RAB44: variants seen among roughly 807,000 people sequenced by gnomAD.
The protein encoded by RAB44 is ras-related protein Rab-44.
In RAB44, 67 loss-of-function variants were observed where a neutral mutation model predicts 93.3. The observed-to-expected ratio is 0.72, with a 90% CI of 0.59 to 0.88. RAB44 has a LOEUF of 0.88. Among genes scored for constraint, RAB44 ranks in the 40% least tolerant of loss-of-function variants. The pLI is 0.00. For synonymous variants in RAB44, 427 were observed against 520.3 expected (o/e 0.82, Z 2.44); for missense variants, 1,064 against 1,261.7 (o/e 0.84, Z 2.37).
intron 2 of RAB44, among the ~76,000 whole-genome samples, chr6:36,712,213 G>T (rs552428118): frequency 7.3e-4 from 111 of 152,036 alleles, no homozygotes; most frequent in Non-Finnish European, 1.1e-3. Context: ...TGAGGCAGGA[G>T]AATTAGTTGA....
chr6:36,722,241 C>T lies in RAB44; in HGVS notation c.2107C>T (p.Leu703=). 6.3e-6 allele frequency: 8 copies of T among 1,273,398 alleles called. No individual in the cohort carries two copies. The highest frequency in any genetic ancestry group is 7.9e-6 in the Non-Finnish European group (8 of 1,011,402). 78.9% of individuals were successfully genotyped at this position (1,273,398 alleles called of 1,614,324 possible). ...QSEQSVEAHG[L]ETAHSELPQQ... is the part of the protein sequence containing the mutation. ...AGAGCAGTCGGTTGAGGCTCACGGC[C>T]TAGAAACTGCGCATTCGGAACTCCC... Residue 703 remains leucine, a synonymous_variant, in exon 9 of 14, where the codon CTA becomes TTA. Transcript: ENST00000612677.
chr6:36,720,169 T>G (rs1187491926), intron 7 of RAB44, among the ~76,000 whole-genome samples, 194 bp from the exon 8 acceptor site: 1 of 152,016 alleles, frequency 6.6e-6, no homozygotes. Flanking sequence ...GGATTTCCAG[T>G]GCCCCTCCTA....
chr6:36,717,200 G>C lies in RAB44; in HGVS notation c.495-73G>C. ...GGAGCGCTGCAGTGAAAACTGAGGA[G>C]TGGGGCTCCCCTTGCTTCTCCATCC... On this transcript the variant is annotated intron_variant, in intron 4 of 13. Coordinates refer to ENST00000612677, the MANE Select transcript of RAB44 (RefSeq NM_001257357.2). The surrounding 1 kb of genome is among the most constrained non-coding windows in gnomAD (Gnocchi z 4.1). The C allele has an allele frequency of 8.2e-7, 1 of 1,220,442 alleles. No individual in the cohort carries two copies. Among genetic ancestry groups the C allele is most frequent in the Non-Finnish European group, 1.0e-6 (1 of 977,878 alleles). 75.6% of individuals were successfully genotyped at this position (1,220,442 alleles called of 1,614,324 possible). A position where few individuals can be genotyped will look rare whatever the true frequency, so the allele number is the denominator to read the frequency against.
At chr6:36,701,479 G>A (rs1271435776) in intron 1 of RAB44, among the ~76,000 whole-genome samples, 2 of 152,174 alleles carry the variant, frequency 1.3e-5, no homozygotes, top group African/African-American at 2.4e-5. Flanking sequence ...AATCAGCAGA[G>A]GAAGTGGGTT....
At chr6:36,718,824 C>T (rs1422927445) in intron 7 of RAB44, among the ~76,000 whole-genome samples, 1 of 152,138 alleles carries the variant, frequency 6.6e-6, no homozygotes, top group Non-Finnish European at 1.5e-5. Flanking sequence ...AGGTTACTTG[C>T]TGCTGCCCGG....
intron 1 of RAB44, among the ~76,000 whole-genome samples, chr6:36,699,588 T>C (rs6928344): frequency 0.39 from 59,943 of 152,098 alleles, 11,814 homozygotes; most frequent in South Asian, 0.43. Flanking sequence ...CTCCACTGGG[T>C]GTTTGTCATC....
chr6:36,703,719 G>A (rs1044332252), intron 1 of RAB44, among the ~76,000 whole-genome samples: 8 of 152,020 alleles, frequency 5.3e-5, no homozygotes, highest in Admixed American at 2.0e-4. Context: ...GAGAGGTGAG[G>A]CTGACAGGGG....
intron 9 of RAB44, among the ~76,000 whole-genome samples, chr6:36,723,803 C>T (rs1287307445): frequency 7.3e-6 from 1 of 136,448 alleles, no homozygotes; most frequent in Admixed American, 8.1e-5. Context: ...CCACTGCACT[C>T]CAGCCTGGGC....
rs746261119 is a variant in RAB44, at chr6:36,732,126, C to T, written c.*33C>T. On this transcript the variant is annotated 3_prime_UTR_variant, in exon 14 of 14. Coordinates refer to ENST00000612677, the MANE Select transcript of RAB44 (RefSeq NM_001257357.2). ...TCCTGTCCTGGGTAGGATGGACACC[C>T]ATGGGGTTTCCTGTCCCTCAGCTCC... The T allele has an allele frequency of 3.3e-6, 4 of 1,210,584 alleles. No homozygotes were observed. Among genetic ancestry groups the T allele is most frequent in the East Asian group, 6.3e-5 (2 of 31,562 alleles). The allele number at this position is 1,210,584 out of a possible 1,614,324, so 75.0% of individuals were successfully genotyped here.
intron 7 of RAB44, 99 bp from the exon 8 acceptor site, chr6:36,720,264 G>A: frequency 9.5e-7 from 1 of 1,052,220 alleles, no homozygotes; most frequent in South Asian, 5.0e-5. Context: ...CAGGAGCCTG[G>A]ACAGGGGGTG....
chr6:36,701,021 G>A (rs1005424245), intron 1 of RAB44, among the ~76,000 whole-genome samples: 1 of 152,240 alleles, frequency 6.6e-6, no homozygotes, highest in Non-Finnish European at 1.5e-5. Context: ...ACCGCGTGAA[G>A]GCCAGTTAGA....
At chr6:36,719,995 A>T (rs1025594065) in intron 7 of RAB44, among the ~76,000 whole-genome samples, 2 of 152,062 alleles carry the variant, frequency 1.3e-5, no homozygotes, top group African/African-American at 2.4e-5. Context: ...GGGTCATGAG[A>T]TTTGCTGTTG....
Position 36,732,124 on chromosome 6 carries a change from C to T in RAB44, c.*31C>T, listed in dbSNP as rs1763376957. 1.7e-5 allele frequency: 20 copies of T among 1,211,298 alleles called. No individual in the cohort carries two copies. Among genetic ancestry groups the T allele is most frequent in the Non-Finnish European group, 2.0e-5 (19 of 967,186 alleles). The allele number at this position is 1,211,298 out of a possible 1,614,324, so 75.0% of individuals were successfully genotyped here. A position where few individuals can be genotyped will look rare whatever the true frequency, so the allele number is the denominator to read the frequency against. Reference sequence around the variant, plus strand: ...TGTCCTGTCCTGGGTAGGATGGACACCCATGGGGTTTCCTGTCCCTCAGCT... The same window carrying T: ...TGTCCTGTCCTGGGTAGGATGGACATCCATGGGGTTTCCTGTCCCTCAGCT... On this transcript the variant is annotated 3_prime_UTR_variant, in exon 14 of 14. Coordinates refer to ENST00000612677, the MANE Select transcript of RAB44 (RefSeq NM_001257357.2).
intron 10 of RAB44, among the ~76,000 whole-genome samples, 190 bp downstream of exon 10, chr6:36,726,133 T>C (rs373780932): frequency 1.2e-4 from 18 of 152,164 alleles, no homozygotes; most frequent in African/African-American, 4.1e-4. Flanking sequence ...TCCCTCAGCC[T>C]GGCAGGGCAT....
intron 7 of RAB44, 75 bp from the exon 8 acceptor site, chr6:36,720,288 C>T: frequency 8.4e-7 from 1 of 1,184,820 alleles, no homozygotes; most frequent in South Asian, 4.4e-5. Context: ...GTCTGTGTCC[C>T]ACAATGGCCT....
intron 10 of RAB44, 56 bp from the exon 11 acceptor site, chr6:36,727,521 G>A (rs922118336): frequency 2.3e-5 from 29 of 1,251,796 alleles, no homozygotes; most frequent in East Asian, 2.0e-4. Context: ...ACTTTGCAGA[G>A]GCCAGGGCCT....
intron 11 of RAB44, among the ~76,000 whole-genome samples, chr6:36,728,376 A>G (rs995351090): frequency 4.6e-5 from 7 of 152,202 alleles, no homozygotes; most frequent in African/African-American, 1.7e-4. Flanking sequence ...ATCAGAAACT[A>G]TTATTATTAT....
rs1387658633 is a variant in RAB44, at chr6:36,727,665, G to A, written c.2770G>A (p.Val924Met). 3.9e-6 allele frequency: 6 copies of A among 1,550,392 alleles called. No homozygotes were observed. Among genetic ancestry groups the A allele is most frequent in the South Asian group, 3.6e-5 (3 of 84,064 alleles). Reference protein sequence around the residue: ...DITSQESFAHVRYWLDCLQDA... With the variant: ...DITSQESFAHMRYWLDCLQDA... Reference sequence around the variant, plus strand: ...CACCTCCCAGGAGAGCTTTGCCCACGTGCGCTACTGGCTAGACTGTCTCCA... The same window carrying A: ...CACCTCCCAGGAGAGCTTTGCCCACATGCGCTACTGGCTAGACTGTCTCCA... Residue 924 changes from valine to methionine, a missense_variant, in exon 11 of 14, where the codon GTG (valine) becomes ATG (methionine). Coordinates refer to ENST00000612677, the MANE Select transcript of RAB44 (RefSeq NM_001257357.2).
intron 8 of RAB44, 86 bp from the exon 9 acceptor site, chr6:36,721,065 A>C (rs964824645): frequency 4.2e-6 from 5 of 1,190,704 alleles, no homozygotes; most frequent in Non-Finnish European, 5.3e-6. Flanking sequence ...TGGGGAGAGC[A>C]AGGGATGGTG....
Sources: gnomAD v4.1 joint callset for allele counts (sites outside exome capture counted in the v4.1 genomes callset) on GRCh38, gnomAD v4.1.1 for gene constraint, Gnocchi (gnomAD v3.1) non-coding constraint, MANE v1.5 for transcripts, NCBI Gene and HGNC (gene_info 2026-07-23, HGNC 2026-07-21) for gene names.